Variants in KCNMA1 observed in about 807,000 individuals in gnomAD.
KCNMA1 encodes the protein potassium calcium-activated channel subfamily M alpha 1, also known as Calcium-activated potassium channel subunit alpha-1.
A neutral mutation model predicts 140.0 loss-of-function variants in KCNMA1; 29 were observed. The ratio of observed to expected loss-of-function variants is 0.21; its 90% CI spans 0.15 to 0.28. The LOEUF (loss-of-function observed/expected upper bound fraction) is 0.28, where lower values mean the gene tolerates loss of function less well. Among genes scored for constraint, KCNMA1 ranks in the 10% least tolerant of loss-of-function variants. The probability of loss-of-function intolerance (pLI) is 1.00; values close to 1 mark genes in which losing one functional copy is unlikely to be tolerated. For synonymous variants in KCNMA1, 612 were observed against 611.9 expected, an observed-to-expected ratio of 1.00 and a Z score of 0.00; for missense variants, 880 against 1,602.2, an observed-to-expected ratio of 0.55 and a Z score of 7.70.
chr10:77,636,373 T>G, intron 1 of KCNMA1: 1 of 1,533,808 alleles, frequency 6.5e-7, no homozygotes, highest in Non-Finnish European at 8.7e-7. Flanking sequence ...GGTGGGCGTC[T>G]GCACCAGGAA....
chr10:77,319,051 C>T (rs934302114), intron 2 of KCNMA1, among the ~76,000 whole-genome samples: 25 of 152,224 alleles, frequency 1.6e-4, no homozygotes, highest in Non-Finnish European at 3.1e-4. Flanking sequence ...TTGGGCTCTG[C>T]GGAGAACATA....
At chr10:77,299,502 C>T (rs2076053846) in intron 2 of KCNMA1, among the ~76,000 whole-genome samples, 1 of 152,198 alleles carries the variant, frequency 6.6e-6, no homozygotes, top group African/African-American at 2.4e-5. Context: ...TGTTATTTCA[C>T]ATTTTGGGTC....
chr10:77,425,856 T>C (rs940648454), intron 1 of KCNMA1, among the ~76,000 whole-genome samples: 2 of 152,184 alleles, frequency 1.3e-5, no homozygotes, highest in Admixed American at 6.5e-5. Flanking sequence ...GCACTTCAAA[T>C]AGGCACCTGT....
At chr10:77,266,401 G>T (rs960965596) in intron 2 of KCNMA1, among the ~76,000 whole-genome samples, 2 of 152,146 alleles carry the variant, frequency 1.3e-5, no homozygotes, top group African/African-American at 4.8e-5. Context: ...CCCACTGCAA[G>T]AACTTTTTGG....
intron 1 of KCNMA1, chr10:77,587,869 A>G (rs1319203853): frequency 1.0e-6 from 1 of 985,216 alleles, no homozygotes; most frequent in Admixed American, 6.2e-5. Flanking sequence ...TATATGTGCC[A>G]CTCTGAAAAG....
intron 1 of KCNMA1, among the ~76,000 whole-genome samples, chr10:77,558,238 A>G (rs777129868): frequency 6.6e-6 from 1 of 152,182 alleles, no homozygotes; most frequent in African/African-American, 2.4e-5. Context: ...TAAAAAAAAT[A>G]TAACACAGAT....
intron 14 of KCNMA1, among the ~76,000 whole-genome samples, chr10:77,054,000 C>T (rs1360000187): frequency 2.0e-5 from 3 of 152,148 alleles, no homozygotes; most frequent in Non-Finnish European, 4.4e-5. Context: ...CACTGCACAG[C>T]CGCACAACCC....
chr10:77,269,043 G>A (rs2064241085), intron 2 of KCNMA1, among the ~76,000 whole-genome samples: 1 of 152,160 alleles, frequency 6.6e-6, no homozygotes, highest in Non-Finnish European at 1.5e-5. Flanking sequence ...CACAAGGGCA[G>A]AGTCCCCAAG....
chr10:77,217,518 C>A (rs1209944049), intron 3 of KCNMA1: 3 of 456,460 alleles, frequency 6.6e-6, no homozygotes, highest in Non-Finnish European at 1.3e-5. Context: ...CCTGGAATTT[C>A]CTGCATTCAA....
intron 2 of KCNMA1, among the ~76,000 whole-genome samples, chr10:77,395,862 A>G (rs2096030217): frequency 6.6e-6 from 1 of 152,212 alleles, no homozygotes; most frequent in African/African-American, 2.4e-5. Flanking sequence ...TCTCTGACTC[A>G]TGTTTTCTCA....
intron 1 of KCNMA1, chr10:77,634,253 T>G (rs1012865110): frequency 1.0e-6 from 1 of 985,208 alleles, no homozygotes; most frequent in Non-Finnish European, 1.2e-6. Flanking sequence ...AAAACAATAA[T>G]GTGAAAAAGT....
chr10:77,636,380 G>C (rs12240748), intron 1 of KCNMA1: 8 of 1,535,218 alleles, frequency 5.2e-6, no homozygotes, highest in Non-Finnish European at 7.0e-6. Context: ...GTCTGCACCA[G>C]GAATAGCTAA....
chr10:77,503,964 A>G (rs2044843171), intron 1 of KCNMA1, among the ~76,000 whole-genome samples: 2 of 152,062 alleles, frequency 1.3e-5, no homozygotes, highest in African/African-American at 4.8e-5. Flanking sequence ...GACATGTCCA[A>G]TGTTCAGCTT....
intron 5 of KCNMA1, among the ~76,000 whole-genome samples, chr10:77,143,724 A>G (rs2098231317): frequency 6.6e-6 from 1 of 152,196 alleles, no homozygotes; most frequent in Admixed American, 6.5e-5. Flanking sequence ...CACATTTTTA[A>G]AAAGACTGAT....
In KCNMA1 at chr10:77,085,280, G is replaced by C. The variant is rs188855999; in HGVS notation, c.1441-561C>G. Among the ~76,000 whole-genome samples the C allele has an allele frequency of 3.1e-3, 469 of 152,242 alleles. 4 individuals carry two copies. Among genetic ancestry groups the C allele is most frequent in the Admixed American group, 0.025 (381 of 15,300 alleles). On this transcript the variant is annotated intron_variant, in intron 11 of 27. Transcript: ENST00000286628. ...TTGCTTAGTATCCGATTAGTATTCAGATATTCAGAAGACAACAAATCTATG... is the reference window on the plus strand; with the variant it reads ...TTGCTTAGTATCCGATTAGTATTCACATATTCAGAAGACAACAAATCTATG...
At chr10:77,628,607 A>C (rs946263675) in intron 1 of KCNMA1, among the ~76,000 whole-genome samples, 3 of 151,150 alleles carry the variant, frequency 2.0e-5, no homozygotes, top group Admixed American at 6.6e-5. Flanking sequence ...ATGCCACTGC[A>C]CTCCAGCCTG....
At chr10:77,052,100 T>C (rs1192473084) in intron 14 of KCNMA1, among the ~76,000 whole-genome samples, 2 of 152,190 alleles carry the variant, frequency 1.3e-5, no homozygotes, top group Non-Finnish European at 2.9e-5. Flanking sequence ...GCCAATTAGA[T>C]GTGGGGCCTG....
intron 5 of KCNMA1, among the ~76,000 whole-genome samples, chr10:77,152,281 T>G (rs2574808): frequency 0.26 from 17,200 of 66,782 alleles, 1,308 homozygotes; most frequent in Non-Finnish European, 0.29. Flanking sequence ...TTTGCTTTTG[T>G]GTGTGTGTGT....
At position 77,108,257 on chromosome 10, in the gene KCNMA1, C is replaced by T. The variant is rs890740399; in HGVS notation, c.1223+224G>A. Reference sequence around the variant, plus strand: ...ACAGGGACTCCTGAAAGTCACTCAACCACATCTTTTCTGATGCAACTGACT... The same window carrying T: ...ACAGGGACTCCTGAAAGTCACTCAATCACATCTTTTCTGATGCAACTGACT... On this transcript the variant is annotated intron_variant, in intron 9 of 27. Transcript: ENST00000286628. The surrounding 1 kb of genome is among the most constrained non-coding windows in gnomAD (Gnocchi z 4.6). 1.0e-5 allele frequency: 15 copies of T among 1,437,732 alleles called. No homozygotes were observed. The South Asian group carries it at 2.1e-4, about 20-fold the overall frequency. The allele number at this position is 1,437,732 out of a possible 1,614,324, so 89.1% of individuals were successfully genotyped here.
Sources: allele counts gnomAD v4.1 joint callset (sites outside exome capture counted in the v4.1 genomes callset), GRCh38; gene constraint gnomAD v4.1.1; non-coding constraint Gnocchi (gnomAD v3.1); transcripts MANE v1.5; gene names NCBI Gene and HGNC (gene_info 2026-07-23, HGNC 2026-07-21).